TCF7L1: variants seen among roughly 807,000 people sequenced by gnomAD.
TCF7L1 encodes the protein transcription factor 7-like 1.
Under a neutral mutation model 63.7 loss-of-function variants are expected in TCF7L1, and 18 were observed. That is an observed-to-expected ratio of 0.28 (90% confidence interval 0.20 to 0.42). The LOEUF is 0.42. TCF7L1 is among the 10% of genes least tolerant of loss of function. TCF7L1 has a pLI of 1.00. For missense variants in TCF7L1, 654 were observed against 779.3 expected, an observed-to-expected ratio of 0.84 and a Z score of 1.91; for synonymous variants, 355 against 340.9, an observed-to-expected ratio of 1.04 and a Z score of -0.46.
intron 3 of TCF7L1, among the ~76,000 whole-genome samples, chr2:85,217,625 C>G (rs1350594021): frequency 1.3e-5 from 2 of 152,162 alleles, no homozygotes; most frequent in East Asian, 3.8e-4. Flanking sequence ...GACATCCTAC[C>G]CACCACTGAG....
At chr2:85,206,136 G>GGC in intron 3 of TCF7L1, among the ~76,000 whole-genome samples, 1 of 152,356 alleles carries the variant, frequency 6.6e-6, no homozygotes, top group East Asian at 1.9e-4. Context: ...TAGGGCCAGT[G>GGC]GCCATGATGA....
At chr2:85,274,369 G>A (rs957141761) in intron 3 of TCF7L1, among the ~76,000 whole-genome samples, 1 of 152,216 alleles carries the variant, frequency 6.6e-6, no homozygotes, top group African/African-American at 2.4e-5. Context: ...GGCCACCACA[G>A]AATGGCTGTG....
chr2:85,296,700 A>G (rs1178282123), intron 4 of TCF7L1, among the ~76,000 whole-genome samples: 1 of 152,152 alleles, frequency 6.6e-6, no homozygotes, highest in Non-Finnish European at 1.5e-5. Flanking sequence ...AGCGTCTTTG[A>G]AATTCTTACT....
intron 3 of TCF7L1, among the ~76,000 whole-genome samples, chr2:85,150,213 G>T (rs1436468053): frequency 1.3e-5 from 2 of 150,910 alleles, no homozygotes; most frequent in African/African-American, 4.9e-5. Context: ...AAGTTCTTCG[G>T]CCTGTCTCTC....
At chr2:85,222,359 ACAAAC>A (rs1558638306) in intron 3 of TCF7L1, among the ~76,000 whole-genome samples, 1 of 140,172 alleles carries the variant, frequency 7.1e-6, no homozygotes. Flanking sequence ...AAACAAACAA[ACAAAC>A]AAAAAAAAAA....
chr2:85,291,464 A>G (rs940618391), intron 4 of TCF7L1, among the ~76,000 whole-genome samples: 1 of 152,186 alleles, frequency 6.6e-6, no homozygotes, highest in East Asian at 1.9e-4. Context: ...TTCCAATAAC[A>G]TGTTCCCCAT....
chr2:85,277,965 G>GGTTAATCT (rs1681315788), intron 3 of TCF7L1, among the ~76,000 whole-genome samples: 1 of 152,164 alleles, frequency 6.6e-6, no homozygotes, highest in Non-Finnish European at 1.5e-5. Flanking sequence ...GGAGCCGGAG[G>GGTTAATCT]GTTAATCTCC....
At chr2:85,290,887 G>T (rs1405197153) in intron 4 of TCF7L1, among the ~76,000 whole-genome samples, 1 of 152,206 alleles carries the variant, frequency 6.6e-6, no homozygotes. Context: ...TGTCCTTCCA[G>T]CCCACCAGGA....
At chr2:85,193,048 G>A (rs1450257863) in intron 3 of TCF7L1, among the ~76,000 whole-genome samples, 1 of 152,172 alleles carries the variant, frequency 6.6e-6, no homozygotes, top group Non-Finnish European at 1.5e-5. Context: ...TCATTTGAAT[G>A]AATTGTATCG....
At chr2:85,274,129 C>T (rs1381280736) in intron 3 of TCF7L1, among the ~76,000 whole-genome samples, 1 of 152,186 alleles carries the variant, frequency 6.6e-6, no homozygotes, top group East Asian at 1.9e-4. Context: ...CCTCCAAAGC[C>T]AGTTTCCACG....
chr2:85,241,437 GTTTTT>G (rs772334481), intron 3 of TCF7L1, among the ~76,000 whole-genome samples: 1 of 83,028 alleles, frequency 1.2e-5, no homozygotes, highest in East Asian at 4.6e-4. Context: ...CTTTGTTTTT[GTTTTT>G]TTTTTTTTTT....
At chr2:85,150,570 T>G (rs1346598356) in intron 3 of TCF7L1, among the ~76,000 whole-genome samples, 1 of 151,122 alleles carries the variant, frequency 6.6e-6, no homozygotes, top group Non-Finnish European at 1.5e-5. Flanking sequence ...CCATTTATTT[T>G]GCAGAAGAAC....
intron 3 of TCF7L1, among the ~76,000 whole-genome samples, chr2:85,184,305 G>A (rs1017603826): frequency 3.9e-5 from 6 of 152,128 alleles, no homozygotes; most frequent in African/African-American, 7.2e-5. Context: ...GCAGTGAGGC[G>A]GGGAAGAAAG....
chr2:85,135,238 C>T (rs1677565082), intron 3 of TCF7L1, among the ~76,000 whole-genome samples: 2 of 152,130 alleles, frequency 1.3e-5, no homozygotes, highest in Non-Finnish European at 1.5e-5. Context: ...TAAACTCCCG[C>T]CCCCCGCGTT....
chr2:85,221,949 C>T (rs2104301695), intron 3 of TCF7L1, among the ~76,000 whole-genome samples: 1 of 148,042 alleles, frequency 6.8e-6, no homozygotes, highest in Non-Finnish European at 1.5e-5. Context: ...AAAAAAACTA[C>T]AGGAACAATA....
At chr2:85,230,550 G>A (rs760889709) in intron 3 of TCF7L1, among the ~76,000 whole-genome samples, 1 of 152,124 alleles carries the variant, frequency 6.6e-6, no homozygotes, top group African/African-American at 2.4e-5. Context: ...GGCCAGGGTG[G>A]TCTCGAACTC....
intron 3 of TCF7L1, among the ~76,000 whole-genome samples, chr2:85,142,505 CACACA>C (rs1677768879): frequency 6.7e-6 from 1 of 149,444 alleles, no homozygotes; most frequent in African/African-American, 2.5e-5. Flanking sequence ...TATACACACA[CACACA>C]ACACAGACAC....
intron 3 of TCF7L1, among the ~76,000 whole-genome samples, chr2:85,230,701 C>T (rs952451859): frequency 9.9e-5 from 15 of 152,138 alleles, no homozygotes; most frequent in African/African-American, 3.6e-4. Context: ...CAGCTTATAC[C>T]GGGGGCAACC....
At chr2:85,147,157 A>G (rs1469567102) in intron 3 of TCF7L1, among the ~76,000 whole-genome samples, 1 of 152,078 alleles carries the variant, frequency 6.6e-6, no homozygotes, top group Non-Finnish European at 1.5e-5. Flanking sequence ...ACTAAGGCCT[A>G]TTTCTTCAGC....
Sources: allele counts gnomAD v4.1 joint callset (sites outside exome capture counted in the v4.1 genomes callset), GRCh38; gene constraint gnomAD v4.1.1; transcripts MANE v1.5; gene names NCBI Gene and HGNC (gene_info 2026-07-23, HGNC 2026-07-21).